The following ACTN3 variants were observed in gnomAD, a reference collection of about 807,000 sequenced individuals.
ACTN3 encodes actinin alpha 3, also known as alpha-actinin-3.
ACTN3 carries 91 observed loss-of-function variants against 119.6 expected under a neutral mutation model. The observed-to-expected ratio is 0.76, with a 90% CI of 0.64 to 0.91. The LOEUF is 0.91. ACTN3 is among the 40% of genes least tolerant of loss of function. The pLI is 0.00. For synonymous variants in ACTN3, 456 were observed against 478.8 expected (o/e 0.95, Z 0.62); for missense variants, 1,221 against 1,215.1 (o/e 1.00, Z -0.07).
chr11:66,551,840 C>A, intron 3 of ACTN3, 193 bp downstream of exon 3: 1 of 378,666 alleles, frequency 2.6e-6, no homozygotes, highest in Non-Finnish European at 3.6e-6. Context: ...CTTTGGGAGG[C>A]CAAGGCCAGT....
chr11:66,553,531 G>C, intron 3 of ACTN3, among the ~76,000 whole-genome samples: 1 of 151,516 alleles, frequency 6.6e-6, no homozygotes, highest in Non-Finnish European at 1.5e-5. Context: ...CTCCAGCCGG[G>C]GCAAAGAGGG....
chr11:66,561,196 G>A, intron 15 of ACTN3, 31 bp from the exon 16 acceptor site: 1 of 1,504,900 alleles, frequency 6.6e-7, no homozygotes, highest in African/African-American at 1.4e-5. Context: ...AGCCCCCAGA[G>A]CTGGCTCTGG....
At chr11:66,559,462 A>AT in intron 12 of ACTN3, 76 bp downstream of exon 12, 1 of 1,213,146 alleles carries the variant, frequency 8.2e-7, no homozygotes, top group Middle Eastern at 3.1e-4. Flanking sequence ...CCTGATCCCC[A>AT]TTGCCCTTCT....
rs1377313954 is a variant in ACTN3, at chr11:66,560,236, C to T, written c.1602C>T (p.Pro534=). The change falls in exon 14 of 21, where the codon CCC becomes CCT. Residue 534 remains proline (P), a synonymous_variant. Transcript: ENST00000513398. ...TGGAGTTTGCCCGGCGGGCCGCGCC[C>T]TTCAACAACTGGCTGGATGGTGCCG... ...LQLEFARRAA[P]FNNWLDGAVE... is the part of the protein sequence containing the mutation. 1 of 1,613,040 alleles carries T rather than the reference C, an allele frequency of 6.2e-7. No individual in the cohort carries two copies. The highest frequency in any genetic ancestry group is 8.5e-7 in the Non-Finnish European group (1 of 1,179,552).
At position 66,563,220 on chromosome 11, in the gene ACTN3, A is replaced by G; in HGVS notation, c.*27A>G. 6.4e-7 allele frequency: 1 copy of G among 1,573,398 alleles called. No individual in the cohort carries two copies. Among genetic ancestry groups the G allele is most frequent in the Non-Finnish European group, 8.6e-7 (1 of 1,156,228 alleles). On this transcript the variant is annotated 3_prime_UTR_variant, in exon 21 of 21. Coordinates refer to ENST00000513398, the MANE Select transcript of ACTN3 (RefSeq NM_001104.4). ...CCCAACCACTGAGGTTCTCTATGCA[A>G]GATGGAGAGAGGATGCACCCTGTGG...
At chr11:66,555,058 T>C in intron 5 of ACTN3, 72 bp from the exon 6 acceptor site, 1 of 1,361,430 alleles carries the variant, frequency 7.3e-7, no homozygotes, top group Non-Finnish European at 1.0e-6. Context: ...TTCTGGGGGG[T>C]GCTCCTGGGC....
chr11:66,557,204 G>C lies in ACTN3; in HGVS notation c.876G>C (p.Glu292Asp). The change falls in exon 9 of 21, where the codon GAG (glutamate) becomes GAC (aspartate). Residue 292 changes from glutamate (E) to aspartate (D), a missense_variant. Glu to Asp is a conservative substitution (Grantham distance 45). Around this residue, in one of 3 missense-constraint regions of ACTN3, gnomAD observed 934 missense variants for 899.9 expected, o/e 1.04. Transcript: ENST00000513398. The part of the protein sequence containing the change: ...VNQENEKLME[E>D]YEKLASELLE... ...AGGAAAACGAGAAGCTGATGGAGGA[G>C]TATGAGAAGCTTGCCAGTGAGGTGA... 1 of 1,553,448 alleles carries C rather than the reference G, an allele frequency of 6.4e-7. No individual in the cohort carries two copies. Among genetic ancestry groups the C allele is most frequent in the Middle Eastern group, 1.7e-4 (1 of 5,966 alleles).
chr11:66,562,975 G>A, intron 20 of ACTN3, 21 bp downstream of exon 20: 1 of 1,610,106 alleles, frequency 6.2e-7, no homozygotes, highest in South Asian at 1.1e-5. Context: ...GGCGGTGGAG[G>A]GGCTGGTGGG....
Position 66,555,226 on chromosome 11 carries a change from C to G in ACTN3, c.636+18C>G. ...TGCGAAAGGTAGAGGCCCCCACCAC[C>G]CCAGCCCAAGGCCTCTGCCTGCAGC... is the stretch of plus-strand genomic sequence containing the variant. On this transcript the variant is annotated intron_variant, in intron 6 of 20. Transcript: ENST00000513398. 1 of 1,614,006 alleles carries G rather than the reference C, an allele frequency of 6.2e-7. No homozygotes were observed. The highest frequency in any genetic ancestry group is 1.1e-5 in the South Asian group (1 of 91,084).
chr11:66,551,694 C>G (rs750296823), intron 3 of ACTN3, 47 bp downstream of exon 3: 1 of 1,607,598 alleles, frequency 6.2e-7, no homozygotes, highest in South Asian at 1.1e-5. Flanking sequence ...AGGGGCCTCT[C>G]TTGACATCAG....
intron 1 of ACTN3, among the ~76,000 whole-genome samples, chr11:66,547,768 C>A (rs530845187): frequency 6.6e-6 from 1 of 152,126 alleles, no homozygotes; most frequent in Non-Finnish European, 1.5e-5. Context: ...GGTCCCCTTA[C>A]GCTGTAACCT....
chr11:66,547,195 T>C, intron 1 of ACTN3, 111 bp downstream of exon 1: 1 of 1,271,388 alleles, frequency 7.9e-7, no homozygotes, highest in Non-Finnish European at 1.0e-6. Context: ...CCTAGAGTGC[T>C]AATCCCCAGC....
Position 66,560,608 on chromosome 11 carries a change from A to G in ACTN3, c.1713A>G (p.Thr571=). ...CAGCGCACGATCAGTTCAAGGCAAC[A>G]CTGCCCGAGGCTGACCGAGAGCGAG... ...LLTAHDQFKA[T]LPEADRERGA... The change falls in exon 15 of 21, where the codon ACA becomes ACG. Residue 571 remains threonine, a synonymous_variant. Coordinates refer to ENST00000513398, the MANE Select transcript of ACTN3 (RefSeq NM_001104.4). 6.2e-7 allele frequency: 1 copy of G among 1,613,580 alleles called. No individual in the cohort carries two copies. The highest frequency in any genetic ancestry group is 1.1e-5 in the South Asian group (1 of 91,082).
rs1030057273 is a variant in ACTN3 at position 66,559,948 on chromosome 11, G to A, written c.1428-20G>A. On this transcript the variant is annotated intron_variant, in intron 12 of 20. Coordinates refer to ENST00000513398, the MANE Select transcript of ACTN3 (RefSeq NM_001104.4). ...CTGGGCTGGGGCTGGCCCCACACTC[G>A]CCCTACTTCTCGCTCCCAGTGAGCT... 9 of 1,574,814 alleles carry A rather than the reference G, an allele frequency of 5.7e-6. No homozygotes were observed. The highest frequency in any genetic ancestry group is 4.1e-5 in the African/African-American group (3 of 73,890).
rs757650045 is a variant in ACTN3 at position 66,551,290 on chromosome 11, G to A, written c.199G>A (p.Glu67Lys). Residue 67 changes from glutamate to lysine, a missense_variant, in exon 2 of 21, where the codon GAG (glutamate) becomes AAG (lysine). This residue lies in a region of ACTN3 where 239 missense variants were observed against 231.8 expected (regional missense o/e 1.03). Coordinates refer to ENST00000513398, the MANE Select transcript of ACTN3 (RefSeq NM_001104.4). ...CCTGCGCAAGGCAGGCACCCAGATCGAGAACATCGAGGAAGATTTCCGCAA... is the reference window on the plus strand; with the variant it reads ...CCTGCGCAAGGCAGGCACCCAGATCAAGAACATCGAGGAAGATTTCCGCAA... ...SHLRKAGTQIENIEEDFRNGL... is the reference protein window; with the variant it reads ...SHLRKAGTQIKNIEEDFRNGL... The A allele has an allele frequency of 5.0e-6, 8 of 1,612,504 alleles. No individual in the cohort carries two copies. The highest frequency in any genetic ancestry group is 2.2e-5 in the East Asian group (1 of 44,870).
intron 20 of ACTN3, 33 bp from the exon 21 acceptor site, chr11:66,563,002 G>T: frequency 6.2e-7 from 1 of 1,607,742 alleles, no homozygotes; most frequent in Non-Finnish European, 8.5e-7. Flanking sequence ...CAGGGCACGG[G>T]ACCTGTGGGT....
At chr11:66,556,930 T>G (rs944782368) in intron 8 of ACTN3, among the ~76,000 whole-genome samples, 8 of 152,040 alleles carry the variant, frequency 5.3e-5, no homozygotes, top group African/African-American at 1.9e-4. Context: ...CCGGCCAATT[T>G]TTTTGTATTT....
At chr11:66,560,337 G>A in intron 14 of ACTN3, 26 bp downstream of exon 14, 1 of 1,602,232 alleles carries the variant, frequency 6.2e-7, no homozygotes, top group Non-Finnish European at 8.5e-7. Context: ...GCAGGGGATG[G>A]ATAGGATGAC....
chr11:66,552,786 G>A (rs1857500463), intron 3 of ACTN3, among the ~76,000 whole-genome samples: 1 of 151,770 alleles, frequency 6.6e-6, no homozygotes, highest in Non-Finnish European at 1.5e-5. Flanking sequence ...GACCCTGGGA[G>A]GCGGAGGTTG....
Sources: gnomAD v4.1 joint callset for allele counts (sites outside exome capture counted in the v4.1 genomes callset) on GRCh38, gnomAD v4.1.1 for gene constraint, gnomAD v4.1.1 regional missense constraint, MANE v1.5 for transcripts, NCBI Gene and HGNC (gene_info 2026-07-23, HGNC 2026-07-21) for gene names.